THG1L: variants seen among roughly 807,000 people sequenced by gnomAD.
THG1L encodes the protein tRNA-histidine guanylyltransferase 1 like.
A neutral mutation model predicts 35.2 loss-of-function variants in THG1L; 27 were observed. The ratio of observed to expected loss-of-function variants is 0.77; its 90% confidence interval spans 0.57 to 1.06. THG1L has a LOEUF of 1.06. Among genes scored for constraint, THG1L ranks in the 50% least tolerant of loss-of-function variants. The pLI is 0.00. For synonymous variants in THG1L, 135 were observed against 132.4 expected (o/e 1.02, Z -0.14); for missense variants, 377 against 371.8 (o/e 1.01, Z -0.12).
At chr5:157,735,255 T>TA (rs1185548906) in intron 3 of THG1L, among the ~76,000 whole-genome samples, 7 of 152,160 alleles carry the variant, frequency 4.6e-5, no homozygotes, top group Non-Finnish European at 7.3e-5. Context: ...CTCTATTTTT[T>TA]AAAAAAATCA....
chr5:157,732,791 C>G (rs1760762978), intron 1 of THG1L, 77 bp from the exon 2 acceptor site: 3 of 1,553,438 alleles, frequency 1.9e-6, no homozygotes, highest in South Asian at 1.2e-5. Context: ...TCCAAACAGC[C>G]TCTGTTATCT....
intron 5 of THG1L, 35 bp downstream of exon 5, chr5:157,738,029 AG>A: frequency 6.5e-7 from 1 of 1,546,984 alleles, no homozygotes. Context: ...AATGGAAGTC[AG>A]GAAAAAAGAT....
intron 4 of THG1L, 71 bp from the exon 5 acceptor site, chr5:157,737,816 T>C: frequency 8.3e-7 from 1 of 1,205,160 alleles, no homozygotes; most frequent in Non-Finnish European, 1.2e-6. Flanking sequence ...AGGTTGTGGG[T>C]CGAATGGATA....
chr5:157,732,176 G>GT (rs1302784085), intron 1 of THG1L, among the ~76,000 whole-genome samples: 1 of 91,868 alleles, frequency 1.1e-5, no homozygotes, highest in African/African-American at 4.1e-5. Flanking sequence ...TTTTTGTTTT[G>GT]TTTTTTCTGT....
intron 1 of THG1L, among the ~76,000 whole-genome samples, 162 bp from the exon 2 acceptor site, chr5:157,732,706 C>G (rs528015475): frequency 5.3e-5 from 8 of 152,274 alleles, no homozygotes; most frequent in South Asian, 2.1e-4. Flanking sequence ...AGGAAAAAAA[C>G]TAAGTTCTTA....
chr5:157,737,904 C>G lies in THG1L; in HGVS notation c.645C>G (p.Asp215Glu). The G allele has an allele frequency of 6.2e-7, 1 of 1,612,474 alleles. No homozygotes were observed. The highest frequency in any genetic ancestry group is 8.5e-7 in the Non-Finnish European group (1 of 1,179,510). Residue 215 changes from aspartate to glutamate, a missense_variant, in exon 5 of 6, where the codon GAC becomes GAG. Coordinates refer to ENST00000231198, the MANE Select transcript of THG1L (RefSeq NM_017872.5). ...QGRLQGTLAA[D>E]KNEILFSEFN... ...TTTCTCAGGGAACTCTTGCAGCAGA[C>G]AAGAATGAGATTTTGTTTTCTGAAT...
At position 157,735,935 on chromosome 5, in the gene THG1L, G is replaced by T; in HGVS notation, c.627+1G>T. The T allele has an allele frequency of 6.3e-7, 1 of 1,586,270 alleles. No homozygotes were observed. Among genetic ancestry groups the T allele is most frequent in the Non-Finnish European group, 8.6e-7 (1 of 1,163,862 alleles). On this transcript the variant is annotated splice_donor_variant, in intron 4 of 5. Coordinates refer to ENST00000231198, the MANE Select transcript of THG1L (RefSeq NM_017872.5). LOFTEE classifies it high-confidence loss of function. The stretch of plus-strand genomic sequence containing the variant: ...AGTACAAGCCCAAGGGAGATTACAG[G>T]TATAAAGATCTTACTACATTAATAC...
chr5:157,731,742 G>A, intron 1 of THG1L, 111 bp downstream of exon 1: 1 of 1,349,478 alleles, frequency 7.4e-7, no homozygotes, highest in Non-Finnish European at 1.0e-6. Context: ...AGGGTAACGC[G>A]GTAGCCAATG....
rs554256711 is a variant in THG1L at position 157,739,685 on chromosome 5, G to A, written c.*203G>A. 9 of 449,008 alleles carry A rather than the reference G, an allele frequency of 2.0e-5. No homozygotes were observed. The highest frequency in any genetic ancestry group is 1.8e-4 in the South Asian group (2 of 11,116). The allele number at this position is 449,008 out of a possible 1,614,324, so 27.8% of individuals were successfully genotyped here. On this transcript the variant is annotated 3_prime_UTR_variant, in exon 6 of 6. Transcript: ENST00000231198. ...TGTTTAAGCAGAACACCTTGTTTGC[G>A]GTGTTGGAACATGGTTCCTTTGGCA...
rs1236137170 is a variant in THG1L, at chr5:157,738,592, T to G, written c.735+598T>G. Reference sequence around the variant, plus strand: ...TCCTTCCATGTAAAGTTTTTTTGTTTTTTTTTTTTCTGAAATGAATGTTTT... The same window carrying G: ...TCCTTCCATGTAAAGTTTTTTTGTTGTTTTTTTTTCTGAAATGAATGTTTT... On this transcript the variant is annotated intron_variant, in intron 5 of 5. Transcript: ENST00000231198. 4.5e-5 allele frequency: 19 copies of G among 423,916 alleles called. No homozygotes were observed. The Admixed American group carries it at 5.8e-4, about 13-fold the overall frequency. 26.3% of individuals were successfully genotyped at this position (423,916 alleles called of 1,614,324 possible). A position where few individuals can be genotyped will look rare whatever the true frequency, so the allele number is the denominator to read the frequency against.
At chr5:157,738,723 T>C in intron 5 of THG1L, 1 of 379,306 alleles carries the variant, frequency 2.6e-6, no homozygotes, top group South Asian at 2.0e-5. Context: ...TACTTCTTAA[T>C]GCAGGTGGAA....
intron 2 of THG1L, 75 bp from the exon 3 acceptor site, chr5:157,734,501 T>TCTTA: frequency 1.3e-6 from 2 of 1,557,112 alleles, no homozygotes; most frequent in Non-Finnish European, 1.8e-6. Flanking sequence ...TACCCACAGG[T>TCTTA]CTTATCATGG....
intron 5 of THG1L, among the ~76,000 whole-genome samples, 184 bp from the exon 6 acceptor site, chr5:157,739,137 A>G (rs1760963511): frequency 6.6e-6 from 1 of 152,128 alleles, no homozygotes; most frequent in Non-Finnish European, 1.5e-5. Flanking sequence ...GATTTTATAT[A>G]TATATGTATA....
At chr5:157,735,824 T>A in intron 3 of THG1L, 22 bp from the exon 4 acceptor site, 2 of 1,479,564 alleles carry the variant, frequency 1.4e-6, no homozygotes, top group Non-Finnish European at 1.9e-6. Flanking sequence ...ATATAAACAT[T>A]ACTATTTTGT....
At chr5:157,736,026 C>A in intron 4 of THG1L, 92 bp downstream of exon 4, 1 of 811,718 alleles carries the variant, frequency 1.2e-6, no homozygotes, top group East Asian at 2.7e-5. Flanking sequence ...ACATTTCTTT[C>A]TTTTAAGATC....
In THG1L at chr5:157,740,865, T is replaced by G. The variant is rs1346981247; in HGVS notation, c.*1383T>G. On this transcript the variant is annotated 3_prime_UTR_variant, in exon 6 of 6. Coordinates refer to ENST00000231198, the MANE Select transcript of THG1L (RefSeq NM_017872.5). ...GTTGCGGTGAGCCAAGATTGTGCCA[T>G]TGCACTCCAGCCTGGGCAACGAGCG... 3 of 149,592 alleles carry G rather than the reference T, an allele frequency of 2.0e-5. No homozygotes were observed. The allele number at this position is 149,592 out of a possible 1,614,324, so 9.3% of individuals were successfully genotyped here.
intron 4 of THG1L, 61 bp from the exon 5 acceptor site, chr5:157,737,826 A>G (rs1760922756): frequency 7.5e-7 from 1 of 1,330,124 alleles, no homozygotes; most frequent in Admixed American, 2.0e-5. Context: ...TCGAATGGAT[A>G]GTAGCACTAG....
In THG1L at chr5:157,731,604, T is replaced by G. The variant is rs201920319; in HGVS notation, c.164T>G (p.Val55Gly). 6.2e-7 allele frequency: 1 copy of G among 1,600,766 alleles called. No individual in the cohort carries two copies. The highest frequency in any genetic ancestry group is 1.1e-5 in the South Asian group (1 of 89,250). The change falls in exon 1 of 6, where the codon GTG (valine) becomes GGG (glycine). Residue 55 changes from valine to glycine, a missense_variant. Transcript: ENST00000231198. ...DTCLAHCWVV[V>G]RLDGRNFHRF... is the part of the protein sequence containing the mutation. ...TGCCTGGCACACTGCTGGGTGGTAG[T>G]GCGGCTGGACGGCCGGAATTTCCAT...
chr5:157,732,861 T>C lies in THG1L; in HGVS notation c.192-7T>C. ...TCCATGCTTTCTTCCCTTTTTCCCC[T>C]GTGAAGGTTTGCTGAGAAGCACAAC... is the stretch of plus-strand genomic sequence containing the variant. On this transcript the variant is annotated splice_polypyrimidine_tract_variant and splice_region_variant and intron_variant, in intron 1 of 5. Coordinates refer to ENST00000231198, the MANE Select transcript of THG1L (RefSeq NM_017872.5). 2 of 1,613,980 alleles carry C rather than the reference T, an allele frequency of 1.2e-6. No individual in the cohort carries two copies. The highest frequency in any genetic ancestry group is 1.7e-6 in the Non-Finnish European group (2 of 1,179,872).
Sources: gnomAD v4.1 joint callset for allele counts (sites outside exome capture counted in the v4.1 genomes callset) on GRCh38, gnomAD v4.1.1 for gene constraint, MANE v1.5 for transcripts, NCBI Gene and HGNC (gene_info 2026-07-23, HGNC 2026-07-21) for gene names.